Variants in BDKRB1 observed in about 807,000 individuals in gnomAD.
The protein encoded by BDKRB1 is B1 bradykinin receptor.
For synonymous variants in BDKRB1, 192 were observed against 189.1 expected (o/e 1.02, Z -0.13); for missense variants, 414 against 441.4 (o/e 0.94, Z 0.56).
At chr14:96,260,941 C>T (rs957742856) in intron 1 of BDKRB1, among the ~76,000 whole-genome samples, 3 of 152,166 alleles carry the variant, frequency 2.0e-5, no homozygotes, top group Non-Finnish European at 4.4e-5. Context: ...CAATTTATAT[C>T]TCAACCTTAA....
At chr14:96,260,709 C>T (rs1387404203) in intron 1 of BDKRB1, among the ~76,000 whole-genome samples, 1 of 152,208 alleles carries the variant, frequency 6.6e-6, no homozygotes, top group Admixed American at 6.5e-5. Context: ...TTCACAACCA[C>T]CAAATCATAA....
In BDKRB1 at chr14:96,264,186, G is replaced by A; in HGVS notation, c.504G>A (p.Leu168=). 6.2e-7 allele frequency: 1 copy of A among 1,609,732 alleles called. No individual in the cohort carries two copies. Among genetic ancestry groups the A allele is most frequent in the Non-Finnish European group, 8.5e-7 (1 of 1,177,144 alleles). Residue 168 remains leucine, a synonymous_variant, in exon 3 of 3, where the codon TTG becomes TTA. Transcript: ENST00000216629. Reference sequence around the variant, plus strand: ...TCATCTGGGTTGTGGGGGGCCTCTTGAGCATCCCCACATTCCTGCTGCGAT... The same window carrying A: ...TCATCTGGGTTGTGGGGGGCCTCTTAAGCATCCCCACATTCCTGCTGCGAT... ...CVLIWVVGGL[L]SIPTFLLRSI...
intron 2 of BDKRB1, among the ~76,000 whole-genome samples, 157 bp from the exon 3 acceptor site, chr14:96,263,516 C>T (rs139253065): frequency 6.6e-6 from 1 of 152,188 alleles, no homozygotes; most frequent in Non-Finnish European, 1.5e-5. Context: ...CTCGACTCCC[C>T]CTTGTAGCAT....
At chr14:96,263,112 C>T (rs541202107) in intron 2 of BDKRB1, among the ~76,000 whole-genome samples, 176 of 152,262 alleles carry the variant, frequency 1.2e-3, no homozygotes, top group African/African-American at 4.1e-3. Context: ...CTGCTCTGTC[C>T]TGCATATCTC....
chr14:96,264,220 G>A lies in BDKRB1; in HGVS notation c.538G>A (p.Ala180Thr). The change falls in exon 3 of 3, where the codon GCC becomes ACC. Residue 180 changes from alanine to threonine, a missense_variant. Transcript: ENST00000216629. ...CACATTCCTGCTGCGATCCATCCAA[G>A]CCGTCCCAGATCTGAACATCACCGC... ...IPTFLLRSIQ[A>T]VPDLNITACI... 1.2e-6 allele frequency: 2 copies of A among 1,614,042 alleles called. No individual in the cohort carries two copies. Among genetic ancestry groups the A allele is most frequent in the Non-Finnish European group, 1.7e-6 (2 of 1,179,948 alleles).
In BDKRB1 at chr14:96,264,208, C is replaced by T. The variant is rs200342765; in HGVS notation, c.526C>T (p.Arg176Ter). The T allele has an allele frequency of 2.5e-6, 4 of 1,613,054 alleles. No individual in the cohort carries two copies. The highest frequency in any genetic ancestry group is 2.2e-5 in the East Asian group (1 of 44,866). ...GLLSIPTFLL[R>*]SIQAVPDLNI... is the part of the protein sequence containing the mutation. ...CTTGAGCATCCCCACATTCCTGCTGCGATCCATCCAAGCCGTCCCAGATCT... is the reference window on the plus strand; with the variant it reads ...CTTGAGCATCCCCACATTCCTGCTGTGATCCATCCAAGCCGTCCCAGATCT... The change falls in exon 3 of 3, where the codon CGA (arginine) becomes TGA (stop). Residue 176 changes from arginine to a stop codon, truncating the protein, a stop_gained. Coordinates refer to ENST00000216629, the MANE Select transcript of BDKRB1 (RefSeq NM_000710.4). LOFTEE classifies it low-confidence loss of function (END_TRUNC).
intron 1 of BDKRB1, among the ~76,000 whole-genome samples, chr14:96,262,130 G>T (rs956935216): frequency 1.6e-4 from 24 of 150,924 alleles, no homozygotes; most frequent in African/African-American, 5.6e-4. Context: ...CCAGTCAGCT[G>T]CATGGCTGTG....
Position 96,264,340 on chromosome 14 carries a change from T to G in BDKRB1, c.658T>G (p.Phe220Val), listed in dbSNP as rs372538907. ...GFLLPLAAIV[F>V]FNYHILASLR... is the part of the protein sequence containing the mutation. ...CCTCCTACCACTGGCTGCGATCGTC[T>G]TCTTCAACTACCACATCCTGGCCTC... Residue 220 changes from phenylalanine to valine, a missense_variant, in exon 3 of 3, where the codon TTC (phenylalanine) becomes GTC (valine). Coordinates refer to ENST00000216629, the MANE Select transcript of BDKRB1 (RefSeq NM_000710.4). 14 of 1,614,216 alleles carry G rather than the reference T, an allele frequency of 8.7e-6. No homozygotes were observed. The African/African-American group carries it at 1.3e-4, about 15-fold the overall frequency.
At chr14:96,258,330 G>A (rs1431905920) in intron 1 of BDKRB1, among the ~76,000 whole-genome samples, 1 of 151,926 alleles carries the variant, frequency 6.6e-6, no homozygotes, top group Non-Finnish European at 1.5e-5. Flanking sequence ...CCATATAATT[G>A]CCTGAAATCT....
At chr14:96,262,298 G>A (rs1479524384) in intron 1 of BDKRB1, among the ~76,000 whole-genome samples, 1 of 152,182 alleles carries the variant, frequency 6.6e-6, no homozygotes, top group Admixed American at 6.5e-5. Context: ...CAGAAGCACA[G>A]GATCTCAATC....
In BDKRB1 at chr14:96,263,810, T is replaced by C; in HGVS notation, c.128T>C (p.Phe43Ser). ...WDLLHRVLPTFIISICFFGLL... is the reference protein window; with the variant it reads ...WDLLHRVLPTSIISICFFGLL... ...CTGCTGCACAGAGTGCTGCCAACATTTATCATCTCCATCTGTTTCTTCGGC... is the reference window on the plus strand; with the variant it reads ...CTGCTGCACAGAGTGCTGCCAACATCTATCATCTCCATCTGTTTCTTCGGC... The change falls in exon 3 of 3, where the codon TTT (phenylalanine) becomes TCT (serine). Residue 43 changes from phenylalanine to serine, a missense_variant. Phe to Ser is a radical substitution (Grantham distance 155, BLOSUM62 -2). Coordinates refer to ENST00000216629, the MANE Select transcript of BDKRB1 (RefSeq NM_000710.4). 6.2e-7 allele frequency: 1 copy of C among 1,614,132 alleles called. No homozygotes were observed. Among genetic ancestry groups the C allele is most frequent in the East Asian group, 2.2e-5 (1 of 44,880 alleles).
rs202074453 is a variant in BDKRB1, at chr14:96,264,134, G to C, written c.452G>C (p.Arg151Pro). 5 of 1,595,618 alleles carry C rather than the reference G, an allele frequency of 3.1e-6. No homozygotes were observed. The highest frequency in any genetic ancestry group is 1.7e-4 in the Middle Eastern group (1 of 5,950). ...ATGGCCAGCCGGAGGCAGCAGCGGC[G>C]GAGGCAGGCCCGGGTCACCTGCGTG... Reference protein sequence around the residue: ...HPMASRRQQRRRQARVTCVLI... With the variant: ...HPMASRRQQRPRQARVTCVLI... Residue 151 changes from arginine (R) to proline (P), a missense_variant, in exon 3 of 3, where the codon CGG becomes CCG. Physicochemically the swap from Arg to Pro is moderately radical, Grantham distance 103. Coordinates refer to ENST00000216629, the MANE Select transcript of BDKRB1 (RefSeq NM_000710.4).
In BDKRB1 at chr14:96,263,802, G is replaced by A; in HGVS notation, c.120G>A (p.Leu40=). ...PEAWDLLHRV[L]PTFIISICFF... ...CCTGGGACCTGCTGCACAGAGTGCT[G>A]CCAACATTTATCATCTCCATCTGTT... Residue 40 remains leucine, a synonymous_variant, in exon 3 of 3, where the codon CTG becomes CTA. Transcript: ENST00000216629. 1.2e-6 allele frequency: 2 copies of A among 1,614,194 alleles called. No homozygotes were observed. Among genetic ancestry groups the A allele is most frequent in the Non-Finnish European group, 1.7e-6 (2 of 1,180,030 alleles).
At chr14:96,262,416 A>G (rs12050217) in intron 1 of BDKRB1, among the ~76,000 whole-genome samples, 33,083 of 152,038 alleles carry the variant, frequency 0.22, 3,826 homozygotes, top group East Asian at 0.41. Flanking sequence ...TAATTGGCCA[A>G]CTGGAGATGA....
At chr14:96,261,615 T>G (rs1885750752) in intron 1 of BDKRB1, among the ~76,000 whole-genome samples, 1 of 152,202 alleles carries the variant, frequency 6.6e-6, no homozygotes, top group Non-Finnish European at 1.5e-5. Context: ...CTGTGAGGCT[T>G]TGCGGGGTTG....
intron 1 of BDKRB1, among the ~76,000 whole-genome samples, chr14:96,258,926 A>G (rs946045925): frequency 6.6e-6 from 1 of 152,040 alleles, no homozygotes; most frequent in Non-Finnish European, 1.5e-5. Context: ...AAAAAAAAAA[A>G]TCATTGGCTT....
intron 1 of BDKRB1, chr14:96,259,415 G>A (rs1885694204): frequency 6.6e-6 from 1 of 152,162 alleles, no homozygotes; most frequent in African/African-American, 2.4e-5. Context: ...TTAACATTTT[G>A]TAAATTTTGT....
At chr14:96,258,594 C>T (rs186673250) in intron 1 of BDKRB1, among the ~76,000 whole-genome samples, 12 of 152,314 alleles carry the variant, frequency 7.9e-5, no homozygotes, top group Admixed American at 1.3e-4. Flanking sequence ...GATCTTGGCT[C>T]GCCACAACCT....
intron 2 of BDKRB1, 114 bp from the exon 3 acceptor site, chr14:96,263,559 G>A (rs955771178): frequency 8.8e-7 from 1 of 1,133,332 alleles, no homozygotes; most frequent in Admixed American, 2.8e-5. Context: ...TCCAGGAATG[G>A]GTGTGGCTCT....
Sources: allele counts gnomAD v4.1 joint callset (sites outside exome capture counted in the v4.1 genomes callset), GRCh38; gene constraint gnomAD v4.1.1; transcripts MANE v1.5; gene names NCBI Gene and HGNC (gene_info 2026-07-23, HGNC 2026-07-21).